SYT2: variants seen among roughly 807,000 people sequenced by gnomAD.
SYT2 encodes the protein synaptotagmin-2.
In SYT2, 15 loss-of-function variants were observed where a neutral mutation model predicts 39.9. That is an observed-to-expected ratio of 0.38 (90% confidence interval 0.25 to 0.58). The LOEUF (loss-of-function observed/expected upper bound fraction) is 0.58. Ranked by LOEUF, SYT2 falls within the 20% of genes least tolerant of loss-of-function variation. The pLI, the probability that SYT2 is intolerant of heterozygous loss-of-function variation, is 0.70. For missense variants in SYT2, 389 were observed against 530.3 expected, an observed-to-expected ratio of 0.73 and a Z score of 2.62; for synonymous variants, 181 against 204.5, an observed-to-expected ratio of 0.89 and a Z score of 0.98.
At chr1:202,597,197 C>T (rs1164180090) in intron 8 of SYT2, among the ~76,000 whole-genome samples, 1 of 152,288 alleles carries the variant, frequency 6.6e-6, no homozygotes, top group Non-Finnish European at 1.5e-5. Context: ...GCTCTAGACC[C>T]TGTTAAGCAC....
chr1:202,682,488 T>A (rs999326929), intron 1 of SYT2, among the ~76,000 whole-genome samples: 1 of 152,164 alleles, frequency 6.6e-6, no homozygotes, highest in Non-Finnish European at 1.5e-5. Context: ...GACCATGGTC[T>A]AAGTTAGGAA....
At chr1:202,627,574 A>G in intron 1 of SYT2, 10 of 985,290 alleles carry the variant, frequency 1.0e-5, no homozygotes, top group Non-Finnish European at 1.2e-5. Flanking sequence ...ATGGCTCCCC[A>G]TGGGGAAAGG....
rs2149084161 is a variant in SYT2, at chr1:202,623,137, G to GC, written c.-17-17349dup. ...GCAGAGGGATGCCCCCGCCAGGCAA[G>GC]CCCCTCAGCACACCCTCCGCTCTGC... On this transcript the variant is annotated intron_variant, in intron 1 of 8. Transcript: ENST00000367268. This position sits in a 1 kb window ranked among gnomAD's most constrained non-coding sequence, Gnocchi z 4.2. Among the ~76,000 whole-genome samples the GC allele has an allele frequency of 1.3e-5, 2 of 152,310 alleles. No individual in the cohort carries two copies. The highest frequency in any genetic ancestry group is 3.9e-4 in the East Asian group (2 of 5,180).
At chr1:202,618,223 C>A (rs1218704002) in intron 1 of SYT2, among the ~76,000 whole-genome samples, 1 of 152,106 alleles carries the variant, frequency 6.6e-6, no homozygotes, top group Non-Finnish European at 1.5e-5. Flanking sequence ...TATGTCATTT[C>A]ACAGAAGACA....
chr1:202,700,402 C>G (rs1005830710), intron 1 of SYT2, among the ~76,000 whole-genome samples: 2 of 152,222 alleles, frequency 1.3e-5, no homozygotes, highest in African/African-American at 4.8e-5. Context: ...GGCTGGGCTT[C>G]ACCTAGGACA....
chr1:202,645,758 T>C (rs1275490522), intron 1 of SYT2, among the ~76,000 whole-genome samples: 2 of 152,194 alleles, frequency 1.3e-5, no homozygotes, highest in Admixed American at 6.5e-5. Flanking sequence ...GGAATTCTGA[T>C]GGCATGTGGA....
chr1:202,638,867 C>A (rs1422775653), intron 1 of SYT2, among the ~76,000 whole-genome samples: 1 of 152,230 alleles, frequency 6.6e-6, no homozygotes, highest in African/African-American at 2.4e-5. Context: ...ACCAGTGGGG[C>A]TGGCTATTGT....
chr1:202,705,495 C>T (rs1297178830), intron 1 of SYT2, among the ~76,000 whole-genome samples: 1 of 152,234 alleles, frequency 6.6e-6, no homozygotes, highest in Admixed American at 6.5e-5. Context: ...GGAAGGGCCT[C>T]TCCTGACTTT....
chr1:202,607,506 T>C (rs1690747046), intron 1 of SYT2, among the ~76,000 whole-genome samples: 1 of 152,242 alleles, frequency 6.6e-6, no homozygotes, highest in East Asian at 1.9e-4. Context: ...GACTCAGGGT[T>C]CTTCTGAAGG....
intron 1 of SYT2, chr1:202,636,532 A>C (rs1691743965): frequency 7.7e-6 from 3 of 390,774 alleles, no homozygotes; most frequent in Non-Finnish European, 1.0e-5. Flanking sequence ...CTGAGGTCCA[A>C]GAGATAGGGA....
chr1:202,636,416 G>A, intron 1 of SYT2: 3 of 984,976 alleles, frequency 3.0e-6, no homozygotes, highest in Non-Finnish European at 3.6e-6. Context: ...GCATCCGCTA[G>A]GCTCACTGGC....
chr1:202,652,522 G>A (rs776018619), intron 1 of SYT2, among the ~76,000 whole-genome samples: 2 of 152,228 alleles, frequency 1.3e-5, no homozygotes, highest in Non-Finnish European at 2.9e-5. Flanking sequence ...GGTGACAGGA[G>A]CCAGTCCCCT....
At chr1:202,613,097 T>TGC (rs1553336345) in intron 1 of SYT2, among the ~76,000 whole-genome samples, 2 of 123,058 alleles carry the variant, frequency 1.6e-5, no homozygotes, top group African/African-American at 3.1e-5. Context: ...TTTTTTTTTT[T>TGC]CCAGACAGAG....
intron 1 of SYT2, among the ~76,000 whole-genome samples, chr1:202,619,517 AC>A (rs1691148218): frequency 6.6e-6 from 1 of 151,716 alleles, no homozygotes; most frequent in Non-Finnish European, 1.5e-5. Flanking sequence ...CTGCATCAAG[AC>A]CCCCTGGGGA....
intron 1 of SYT2, among the ~76,000 whole-genome samples, chr1:202,651,673 G>C (rs772817769): frequency 2.0e-5 from 3 of 152,132 alleles, no homozygotes; most frequent in African/African-American, 7.2e-5. Context: ...GCTACAAAAG[G>C]CTCCTAAACA....
At chr1:202,704,539 A>G (rs1195994647) in intron 1 of SYT2, among the ~76,000 whole-genome samples, 3 of 152,162 alleles carry the variant, frequency 2.0e-5, no homozygotes, top group Admixed American at 1.3e-4. Context: ...TGTGAGTCCC[A>G]TAGGGATCTG....
intron 1 of SYT2, among the ~76,000 whole-genome samples, chr1:202,684,616 C>T (rs535057770): frequency 1.5e-4 from 23 of 152,148 alleles, no homozygotes; most frequent in Non-Finnish European, 2.6e-4. Context: ...GGTGTCTCCA[C>T]TAGCTGAAAA....
At chr1:202,691,674 AGGGAGCGAGG>A (rs2149117247) in intron 1 of SYT2, among the ~76,000 whole-genome samples, 1 of 121,494 alleles carries the variant, frequency 8.2e-6, no homozygotes, top group East Asian at 2.8e-4. Context: ...CGAGAGGGGG[AGGGAGCGAGG>A]GGGAGAGGGA....
At chr1:202,662,939 G>A (rs1692411822) in intron 1 of SYT2, among the ~76,000 whole-genome samples, 1 of 152,248 alleles carries the variant, frequency 6.6e-6, no homozygotes, top group Non-Finnish European at 1.5e-5. Context: ...CTTGGAAGGG[G>A]AAATGAGCTT....
Sources: gnomAD v4.1 joint callset for allele counts (sites outside exome capture counted in the v4.1 genomes callset) on GRCh38, gnomAD v4.1.1 for gene constraint, Gnocchi (gnomAD v3.1) non-coding constraint, MANE v1.5 for transcripts, NCBI Gene and HGNC (gene_info 2026-07-23, HGNC 2026-07-21) for gene names.